Variants in NOXRED1 observed in about 807,000 individuals in gnomAD.
The protein encoded by NOXRED1 is NADP-dependent oxidoreductase domain-containing protein 1.
In NOXRED1, 20 loss-of-function variants were observed where a neutral mutation model predicts 30.4. The observed-to-expected ratio is 0.66, with a 90% CI of 0.46 to 0.96. The LOEUF is 0.96. Among genes scored for constraint, NOXRED1 ranks in the 40% least tolerant of loss-of-function variants. The pLI is 0.00. For missense variants in NOXRED1, 374 were observed against 428.0 expected (o/e 0.87, Z 1.11); for synonymous variants, 155 against 168.0 (o/e 0.92, Z 0.60).
At chr14:77,399,561 C>G (rs1894270977) in intron 5 of NOXRED1, among the ~76,000 whole-genome samples, 1 of 152,164 alleles carries the variant, frequency 6.6e-6, no homozygotes, top group Non-Finnish European at 1.5e-5. Context: ...AAATACTACT[C>G]ATTAAAAACA....
chr14:77,407,809 G>A (rs561696472), intron 2 of NOXRED1, among the ~76,000 whole-genome samples, 164 bp from the exon 3 acceptor site: 5 of 151,516 alleles, frequency 3.3e-5, no homozygotes, highest in Middle Eastern at 3.4e-3. Context: ...TAAAAGCCAC[G>A]CAGCAATGCC....
chr14:77,403,087 C>T (rs1894370269), intron 5 of NOXRED1, among the ~76,000 whole-genome samples: 1 of 151,430 alleles, frequency 6.6e-6, no homozygotes, highest in African/African-American at 2.4e-5. Context: ...ATATAGTTTA[C>T]AACATTAATT....
At chr14:77,395,811 CAGAG>C (rs976885296) in intron 5 of NOXRED1, among the ~76,000 whole-genome samples, 1 of 151,826 alleles carries the variant, frequency 6.6e-6, no homozygotes, top group Non-Finnish European at 1.5e-5. Context: ...TCTAAAAAAA[CAGAG>C]AGGAAAGTTA....
intron 1 of NOXRED1, among the ~76,000 whole-genome samples, chr14:77,416,024 A>G (rs1430936149): frequency 1.3e-5 from 2 of 152,040 alleles, no homozygotes; most frequent in Non-Finnish European, 2.9e-5. Context: ...CTGAAACTCT[A>G]TACAATTTTT....
chr14:77,417,036 T>C (rs746684868), intron 1 of NOXRED1, among the ~76,000 whole-genome samples: 1 of 151,588 alleles, frequency 6.6e-6, no homozygotes, highest in Non-Finnish European at 1.5e-5. Flanking sequence ...TTCCTTGTGA[T>C]TTCCTGTTTG....
In NOXRED1 at chr14:77,406,839, C is replaced by A. The variant is rs1219933278; in HGVS notation, c.567G>T (p.Arg189=). Residue 189 remains arginine, a synonymous_variant, in exon 4 of 6, where the codon CGG becomes CGT. Coordinates refer to ENST00000380835, the MANE Select transcript of NOXRED1 (RefSeq NM_001113475.3). The part of the protein sequence containing the change: ...KLLLNHTNIL[R]PQYQYDEDSV... ...AATCTTCATCATACTGATACTGAGGCCGCAAGATATTGGTGTGGTTCAACA... is the reference window on the plus strand; with the variant it reads ...AATCTTCATCATACTGATACTGAGGACGCAAGATATTGGTGTGGTTCAACA... The A allele has an allele frequency of 6.2e-7, 1 of 1,614,056 alleles. No individual in the cohort carries two copies. Among genetic ancestry groups the A allele is most frequent in the East Asian group, 2.2e-5 (1 of 44,872 alleles).
intron 4 of NOXRED1, 153 bp downstream of exon 4, chr14:77,406,571 C>T (rs1317536052): frequency 2.3e-6 from 2 of 861,336 alleles, no homozygotes; most frequent in Non-Finnish European, 3.9e-6. Context: ...AAGTAGCTCT[C>T]CTGCAGTACC....
In NOXRED1 at chr14:77,399,308, A is replaced by G. The variant is rs554871513; in HGVS notation, c.906-4503T>C. ...GTCTCTACAAATAATAAAAAAAACT[A>G]GCCAAGCATGGTGGCATGTGCCTGT... On this transcript the variant is annotated intron_variant, in intron 5 of 5. Coordinates refer to ENST00000380835, the MANE Select transcript of NOXRED1 (RefSeq NM_001113475.3). Among the ~76,000 whole-genome samples, 23 of 152,156 alleles carry G rather than the reference A, an allele frequency of 1.5e-4. No homozygotes were observed. In the South Asian group the frequency reaches 4.8e-3, roughly 32 times the overall value.
At chr14:77,415,722 T>C (rs1193779333) in intron 1 of NOXRED1, among the ~76,000 whole-genome samples, 1 of 151,786 alleles carries the variant, frequency 6.6e-6, no homozygotes, top group Non-Finnish European at 1.5e-5. Flanking sequence ...TGCTTTTTTT[T>C]TTTTTTCGAG....
chr14:77,422,744 T>C lies in NOXRED1; in HGVS notation c.146A>G (p.Tyr49Cys). Reference sequence around the variant, plus strand: ...TGGATACTCGGCTTACCTCAAATTATATAATAGTTTGCAGAAGAAGGTTGC... The same window carrying C: ...TGGATACTCGGCTTACCTCAAATTACATAATAGTTTGCAGAAGAAGGTTGC... Reference protein sequence around the residue: ...AHATFFCKLLYNLRASLNKNQ... With the variant: ...AHATFFCKLLCNLRASLNKNQ... The change falls in exon 1 of 6, where the codon TAT becomes TGT. Residue 49 changes from tyrosine to cysteine, a missense_variant. Coordinates refer to ENST00000380835, the MANE Select transcript of NOXRED1 (RefSeq NM_001113475.3). 6.2e-7 allele frequency: 1 copy of C among 1,614,132 alleles called. No homozygotes were observed. The highest frequency in any genetic ancestry group is 8.5e-7 in the Non-Finnish European group (1 of 1,179,974).
At chr14:77,414,863 A>G (rs1358675047) in intron 1 of NOXRED1, among the ~76,000 whole-genome samples, 1 of 151,658 alleles carries the variant, frequency 6.6e-6, no homozygotes, top group Non-Finnish European at 1.5e-5. Context: ...GACAGCTTTC[A>G]ATTTTTTTTT....
intron 2 of NOXRED1, among the ~76,000 whole-genome samples, chr14:77,412,678 A>G (rs1894692149): frequency 6.6e-6 from 1 of 152,042 alleles, no homozygotes; most frequent in South Asian, 2.1e-4. Flanking sequence ...ACACCTGGCT[A>G]ATTTTTGTAT....
chr14:77,406,405 T>C lies in NOXRED1; in HGVS notation c.683-270A>G. ...AAAGTGTCTCTGGAATAGTCGTTGC[T>C]AATATGGAGAAGGAACTGGGGAAAA... On this transcript the variant is annotated intron_variant, in intron 4 of 5. Coordinates refer to ENST00000380835, the MANE Select transcript of NOXRED1 (RefSeq NM_001113475.3). The C allele has an allele frequency of 1.7e-5, 10 of 594,664 alleles. No homozygotes were observed. The South Asian group carries it at 2.1e-4, about 12-fold the overall frequency. 36.8% of individuals were successfully genotyped at this position (594,664 alleles called of 1,614,324 possible).
intron 4 of NOXRED1, 146 bp downstream of exon 4, chr14:77,406,578 T>TA (rs745950047): frequency 1.1e-6 from 1 of 891,636 alleles, no homozygotes; most frequent in Non-Finnish European, 1.9e-6. Flanking sequence ...TCTCCTGCAG[T>TA]ACCTTGTGCC....
intron 5 of NOXRED1, among the ~76,000 whole-genome samples, chr14:77,395,092 T>C (rs532258182): frequency 6.3e-5 from 9 of 142,630 alleles, no homozygotes; most frequent in Non-Finnish European, 1.2e-4. Context: ...TGCAGAAAAT[T>C]TTTCTTTTTT....
At chr14:77,422,137 G>A (rs1895013721) in intron 1 of NOXRED1, among the ~76,000 whole-genome samples, 1 of 152,196 alleles carries the variant, frequency 6.6e-6, no homozygotes, top group African/African-American at 2.4e-5. Flanking sequence ...TATGCTCCCA[G>A]AGTGACCTGG....
At chr14:77,407,084 C>A (rs867144489) in intron 3 of NOXRED1, among the ~76,000 whole-genome samples, 11 of 152,354 alleles carry the variant, frequency 7.2e-5, no homozygotes, top group South Asian at 2.1e-4. Context: ...GTGCTAGGCA[C>A]TGGGCTAGAA....
chr14:77,414,170 C>A, intron 1 of NOXRED1, 43 bp from the exon 2 acceptor site: 9 of 1,174,294 alleles, frequency 7.7e-6, no homozygotes, highest in East Asian at 2.6e-5. Context: ...TACATGCACA[C>A]ACTAGTTTTT....
At chr14:77,413,239 C>CT (rs869173262) in intron 2 of NOXRED1, among the ~76,000 whole-genome samples, 4,244 of 137,144 alleles carry the variant, frequency 0.031, 188 homozygotes, top group African/African-American at 0.097. Flanking sequence ...CATTACAAAA[C>CT]TTTTTTTTTT....
Sources: allele counts gnomAD v4.1 joint callset (sites outside exome capture counted in the v4.1 genomes callset), GRCh38; gene constraint gnomAD v4.1.1; transcripts MANE v1.5; gene names NCBI Gene and HGNC (gene_info 2026-07-23, HGNC 2026-07-21).